ZNF726: variants seen among roughly 807,000 people sequenced by gnomAD.
ZNF726 encodes zinc finger protein 92 pseudogene 3.
In ZNF726, 15 loss-of-function variants were observed where a neutral mutation model predicts 11.6. The observed-to-expected ratio is 1.29, with a 90% confidence interval of 0.86 to 1.99. The LOEUF (loss-of-function observed/expected upper bound fraction) is 1.99, where lower values mean the gene tolerates loss of function less well. Ranked by LOEUF, ZNF726 falls within the 30% of genes most tolerant of loss-of-function variation. The pLI is 0.00. For missense variants in ZNF726, 890 were observed against 725.6 expected, an observed-to-expected ratio of 1.23 and a Z score of -2.60; for synonymous variants, 295 against 243.6, an observed-to-expected ratio of 1.21 and a Z score of -1.96.
chr19:23,924,488 A>T (rs2144972263), intron 3 of ZNF726, among the ~76,000 whole-genome samples: 1 of 152,172 alleles, frequency 6.6e-6, no homozygotes. Flanking sequence ...TTTGAAGGTA[A>T]TTTTTAAAAA....
Position 23,933,452 on chromosome 19 carries a change from A to G in ZNF726, c.1336A>G (p.Ile446Val). ...WSSNLTEHKK[I>V]HTREKPYKCE... ...CTCAAACCTTACTGAACATAAGAAA[A>G]TTCATACTAGAGAGAAACCCTACAA... Residue 446 changes from isoleucine to valine, a missense_variant, in exon 4 of 4, where the codon ATT becomes GTT. By Grantham distance (29) the Ile-to-Val change is conservative (BLOSUM62 3). Transcript: ENST00000594466. 6.2e-7 allele frequency: 1 copy of G among 1,612,524 alleles called. No individual in the cohort carries two copies. Among genetic ancestry groups the G allele is most frequent in the Non-Finnish European group, 8.5e-7 (1 of 1,179,590 alleles).
At chr19:23,935,072 C>G, downstream of ZNF726, 1 of 348,966 alleles carries the variant, frequency 2.9e-6, no homozygotes, top group South Asian at 2.3e-5. Flanking sequence ...TTGAATCCAG[C>G]CAGGCAGACT....
intron 3 of ZNF726, chr19:23,923,522 C>T: frequency 7.5e-6 from 2 of 266,994 alleles, no homozygotes; most frequent in South Asian, 6.8e-5. Flanking sequence ...AGCCATTCTC[C>T]TGCCTCAGCC....
chr19:23,920,187 T>A (rs1446200426), intron 3 of ZNF726, 105 bp downstream of exon 3: 1 of 769,048 alleles, frequency 1.3e-6, no homozygotes, highest in African/African-American at 1.8e-5. Flanking sequence ...AAGGAAACCG[T>A]TTCTGGAAAG....
downstream of ZNF726, among the ~76,000 whole-genome samples, chr19:23,938,712 G>C (rs1039995775): frequency 6.7e-6 from 1 of 149,080 alleles, no homozygotes; most frequent in Non-Finnish European, 1.5e-5. Context: ...GGTTCAAGCA[G>C]TTCCCCTGCC....
chr19:23,940,622 G>A (rs1436558948), intron 3 of ZNF726, among the ~76,000 whole-genome samples: 1 of 152,158 alleles, frequency 6.6e-6, no homozygotes, highest in African/African-American at 2.4e-5. Context: ...CCTTCCATGA[G>A]CATGGGATGT....
chr19:23,921,022 G>A (rs950233934), intron 3 of ZNF726: 2 of 152,240 alleles, frequency 1.3e-5, no homozygotes, highest in African/African-American at 4.8e-5. Flanking sequence ...TTTGGGCCAT[G>A]CGTGGTGGCT....
rs771471069 is a variant in ZNF726 at position 23,934,109 on chromosome 19, A to G, written c.*142A>G. 33 of 1,120,632 alleles carry G rather than the reference A, an allele frequency of 2.9e-5. No individual in the cohort carries two copies. Among genetic ancestry groups the G allele is most frequent in the Non-Finnish European group, 4.2e-5 (31 of 745,568 alleles). 69.4% of individuals were successfully genotyped at this position (1,120,632 alleles called of 1,614,324 possible). On this transcript the variant is annotated 3_prime_UTR_variant, in exon 4 of 4. Transcript: ENST00000594466. The stretch of plus-strand genomic sequence containing the variant: ...TTTTAATCCTCAAATCTTACTAAAC[A>G]TTAGATAATTCACACTGGAGAGAAA...
At chr19:23,927,443 CAA>C (rs1457558941) in intron 3 of ZNF726, among the ~76,000 whole-genome samples, 4 of 152,022 alleles carry the variant, frequency 2.6e-5, no homozygotes, top group Admixed American at 2.0e-4. Context: ...TCAGACAACA[CAA>C]AGTGTGTAAT....
rs552570097 is a variant in ZNF726, at chr19:23,933,745, C to T, written c.1629C>T (p.Gly543=). 6.2e-6 allele frequency: 10 copies of T among 1,605,290 alleles called. No homozygotes were observed. The highest frequency in any genetic ancestry group is 5.1e-5 in the Admixed American group (3 of 59,320). Residue 543 remains glycine (G), a synonymous_variant, in exon 4 of 4, where the codon GGC becomes GGT. Coordinates refer to ENST00000594466, the MANE Select transcript of ZNF726 (RefSeq NM_001244038.2). ...AACCCTACAAATGTGAAGAATGTGG[C>T]AAAACTTTTAATCAATCCTCAAATC... The part of the protein sequence containing the change: ...GEKPYKCEEC[G]KTFNQSSNLS...
At chr19:23,917,414 A>G (rs1403231004) in intron 1 of ZNF726, among the ~76,000 whole-genome samples, 3 of 152,102 alleles carry the variant, frequency 2.0e-5, no homozygotes, top group Non-Finnish European at 4.4e-5. Flanking sequence ...AAATTTTCTC[A>G]GGCATGTGCT....
intron 3 of ZNF726, chr19:23,929,359 A>C (rs898754059): frequency 3.9e-5 from 6 of 152,366 alleles, no homozygotes; most frequent in African/African-American, 7.2e-5. Context: ...GAAAAGAAAG[A>C]GGTTTATTGG....
At chr19:23,937,189 G>A (rs1265957837), downstream of ZNF726, among the ~76,000 whole-genome samples, 2 of 146,332 alleles carry the variant, frequency 1.4e-5, no homozygotes, top group Non-Finnish European at 3.0e-5. Context: ...GTGGGTGGCT[G>A]ACCCCTCCAC....
chr19:23,915,298 C>G (rs1024133724), intron 1 of ZNF726, among the ~76,000 whole-genome samples: 2 of 152,138 alleles, frequency 1.3e-5, no homozygotes, highest in Admixed American at 6.5e-5. Context: ...ATGGGAGGAA[C>G]GTCAGGGCAG....
Position 23,933,771 on chromosome 19 carries a change from T to G in ZNF726, c.1655T>G (p.Leu552Arg), listed in dbSNP as rs1968174572. The change falls in exon 4 of 4, where the codon CTT becomes CGT. Residue 552 changes from leucine (L) to arginine (R), a missense_variant. Coordinates refer to ENST00000594466, the MANE Select transcript of ZNF726 (RefSeq NM_001244038.2). Reference protein sequence around the residue: ...CGKTFNQSSNLSTHKIIHTGE... With the variant: ...CGKTFNQSSNRSTHKIIHTGE... ...AAAACTTTTAATCAATCCTCAAATC[T>G]TAGTACACATAAGATAATTCATACT... 1.2e-5 allele frequency: 20 copies of G among 1,610,222 alleles called. No individual in the cohort carries two copies. Among genetic ancestry groups the G allele is most frequent in the Non-Finnish European group, 1.7e-5 (20 of 1,179,030 alleles).
At chr19:23,929,548 A>C (rs898721316) in intron 3 of ZNF726, among the ~76,000 whole-genome samples, 2 of 152,172 alleles carry the variant, frequency 1.3e-5, no homozygotes, top group African/African-American at 4.8e-5. Context: ...ACCTGCCCCC[A>C]TGATTCAATT....
downstream of ZNF726, among the ~76,000 whole-genome samples, chr19:23,934,727 T>G (rs1267057081): frequency 6.6e-6 from 1 of 152,176 alleles, no homozygotes; most frequent in African/African-American, 2.4e-5. Flanking sequence ...TATTTCTTGA[T>G]CTCTCTGAGC....
At chr19:23,929,700 A>G (rs1599464837) in intron 3 of ZNF726, among the ~76,000 whole-genome samples, 1 of 152,226 alleles carries the variant, frequency 6.6e-6, no homozygotes, top group Admixed American at 6.5e-5. Context: ...ATCTCATGAC[A>G]ACTTCAATTG....
chr19:23,939,422 A>G (rs1968301178), downstream of ZNF726, among the ~76,000 whole-genome samples: 1 of 152,134 alleles, frequency 6.6e-6, no homozygotes, highest in Admixed American at 6.5e-5. Context: ...GTGCTGCTGG[A>G]AATATGGATG....
Sources: allele counts gnomAD v4.1 joint callset (sites outside exome capture counted in the v4.1 genomes callset), GRCh38; gene constraint gnomAD v4.1.1; transcripts MANE v1.5; gene names NCBI Gene and HGNC (gene_info 2026-07-23, HGNC 2026-07-21).